OR51Q1: variants seen among roughly 807,000 people sequenced by gnomAD.
OR51Q1 encodes olfactory receptor family 51 subfamily Q member 1.
For synonymous variants in OR51Q1, 187 were observed against 151.7 expected (o/e 1.23, Z -1.71); for missense variants, 501 against 397.1 (o/e 1.26, Z -2.22).
At position 5,422,551 on chromosome 11, in the gene OR51Q1, C is replaced by T. The variant is rs1462888753; in HGVS notation, c.351C>T (p.Leu117=). Residue 117 remains leucine, a synonymous_variant, in exon 1 of 1, where the codon CTC becomes CTT. Coordinates refer to ENST00000300778, the MANE Select transcript of OR51Q1 (RefSeq NM_001004757.2). ...TCTCCTTTATGGAGTCTTCTGTCCT[C>T]CTGGCTATGTCCGTTGACTGCTATG... ...HGFSFMESSV[L]LAMSVDCYVA... The T allele has an allele frequency of 6.2e-7, 1 of 1,614,054 alleles. No individual in the cohort carries two copies. Among genetic ancestry groups the T allele is most frequent in the African/African-American group, 1.3e-5 (1 of 74,932 alleles).
rs78214713 is a variant in OR51Q1, at chr11:5,422,810, C to T, written c.610C>T (p.Leu204Phe). 0.011 allele frequency: 17,066 copies of T among 1,614,138 alleles called. 582 individuals carry two copies. The Admixed American group carries it at 0.11, about 10-fold the overall frequency. Residue 204 changes from leucine (L) to phenylalanine (F), a missense_variant, in exon 1 of 1, where the codon CTT becomes TTT. Leu to Phe is a conservative substitution (Grantham distance 22). Coordinates refer to ENST00000300778, the MANE Select transcript of OR51Q1 (RefSeq NM_001004757.2). Reference protein sequence around the residue: ...IRLNSWYGFALALLIIIVDPL... With the variant: ...IRLNSWYGFAFALLIIIVDPL... ...GCTCAACAGCTGGTATGGATTTGCT[C>T]TTGCCTTGCTCATTATTATCGTGGA...
Position 5,423,200 on chromosome 11 carries a change from A to G in OR51Q1, c.*46A>G, listed in dbSNP as rs1564808909. 3 of 1,490,920 alleles carry G rather than the reference A, an allele frequency of 2.0e-6. No individual in the cohort carries two copies. In the Middle Eastern group the frequency reaches 5.6e-4, roughly 278 times the overall value. The allele number at this position is 1,490,920 out of a possible 1,614,324, so 92.4% of individuals were successfully genotyped here. A position where few individuals can be genotyped will look rare whatever the true frequency, so the allele number is the denominator to read the frequency against. On this transcript the variant is annotated 3_prime_UTR_variant, in exon 1 of 1. Transcript: ENST00000300778. ...ACTGACAAGTATGAGTCATAGGCTT[A>G]AGGGGGGAATATATTCAGAATTAGG...
Position 5,422,736 on chromosome 11 carries a change from C to G in OR51Q1, c.536C>G (p.Ser179Cys), listed in dbSNP as rs772375558. The change falls in exon 1 of 1, where the codon TCC (serine) becomes TGC (cysteine). Residue 179 changes from serine to cysteine, a missense_variant. Coordinates refer to ENST00000300778, the MANE Select transcript of OR51Q1 (RefSeq NM_001004757.2). The stretch of plus-strand genomic sequence containing the variant: ...TGCCACTCCCACCTTCTCTCTCGCT[C>G]CTATTGCCTCCACCAGGATATGATC... ...PFCHSHLLSRSYCLHQDMIRL... is the reference protein window; with the variant it reads ...PFCHSHLLSRCYCLHQDMIRL... 1.9e-5 allele frequency: 31 copies of G among 1,613,932 alleles called. No individual in the cohort carries two copies. Among genetic ancestry groups the G allele is most frequent in the Non-Finnish European group, 1.4e-5 (16 of 1,179,966 alleles).
In OR51Q1 at chr11:5,422,699, C is replaced by T. The variant is rs200167706; in HGVS notation, c.499C>T (p.Arg167Ter). Reference sequence around the variant, plus strand: ...TCTTCCCTCCCTTTTCTTACTCAAGCGACTGCCTTTCTGCCACTCCCACCT... The same window carrying T: ...TCTTCCCTCCCTTTTCTTACTCAAGTGACTGCCTTTCTGCCACTCCCACCT... The part of the protein sequence containing the change: ...AVLPSLFLLK[R>*]LPFCHSHLLS... The change falls in exon 1 of 1, where the codon CGA (arginine) becomes TGA (stop). Residue 167 changes from arginine to a stop codon, truncating the protein, a stop_gained. Coordinates refer to ENST00000300778, the MANE Select transcript of OR51Q1 (RefSeq NM_001004757.2). LOFTEE classifies it low-confidence loss of function (END_TRUNC). 163 of 1,613,914 alleles carry T rather than the reference C, an allele frequency of 1.0e-4. No individual in the cohort carries two copies. The East Asian group carries it at 1.5e-3, about 15-fold the overall frequency.
At position 5,423,163 on chromosome 11, in the gene OR51Q1, A is replaced by G; in HGVS notation, c.*9A>G. On this transcript the variant is annotated 3_prime_UTR_variant, in exon 1 of 1. Transcript: ENST00000300778. ...ATATGCATTCAAGATGAGGGAATGC[A>G]TTTCTTAAATTACTGACAAGTATGA... The G allele has an allele frequency of 6.4e-7, 1 of 1,571,612 alleles. No individual in the cohort carries two copies. The highest frequency in any genetic ancestry group is 1.3e-5 in the African/African-American group (1 of 74,342).
Position 5,422,382 on chromosome 11 carries a change from T to C in OR51Q1, c.182T>C (p.Met61Thr), listed in dbSNP as rs752772366. 1.2e-6 allele frequency: 2 copies of C among 1,614,056 alleles called. No individual in the cohort carries two copies. Among genetic ancestry groups the C allele is most frequent in the East Asian group, 2.2e-5 (1 of 44,888 alleles). ...ACAGAGCCATCTGTCCACCAGCGCATGTATCTGTTTCTCTCCATGCTGGCC... is the reference window on the plus strand; with the variant it reads ...ACAGAGCCATCTGTCCACCAGCGCACGTATCTGTTTCTCTCCATGCTGGCC... ...IRTEPSVHQR[M>T]YLFLSMLALT... The change falls in exon 1 of 1, where the codon ATG becomes ACG. Residue 61 changes from methionine (M) to threonine (T), a missense_variant. Coordinates refer to ENST00000300778, the MANE Select transcript of OR51Q1 (RefSeq NM_001004757.2).
At position 5,422,157 on chromosome 11, in the gene OR51Q1, C is replaced by T. The variant is rs1850349364; in HGVS notation, c.-44C>T. On this transcript the variant is annotated 5_prime_UTR_variant, in exon 1 of 1. Coordinates refer to ENST00000300778, the MANE Select transcript of OR51Q1 (RefSeq NM_001004757.2). ...GATATTATTTCTAATGTTTCTTTTT[C>T]TCCCTGAGTGAAGATCCTGAATCTG... 2 of 1,376,482 alleles carry T rather than the reference C, an allele frequency of 1.5e-6. No individual in the cohort carries two copies. Among genetic ancestry groups the T allele is most frequent in the Non-Finnish European group, 2.0e-6 (2 of 997,724 alleles). 85.3% of individuals were successfully genotyped at this position (1,376,482 alleles called of 1,614,324 possible).
Position 5,423,028 on chromosome 11 carries a change from T to C in OR51Q1, c.828T>C (p.Val276=), listed in dbSNP as rs1196826245. ...AGCATGCCTCTCCACTGGTCCATGT[T>C]ATCATGGCCAATATCTACCTGCTGG... The part of the protein sequence containing the change: ...FAKHASPLVH[V]IMANIYLLAP... The change falls in exon 1 of 1, where the codon GTT becomes GTC. Residue 276 remains valine (V), a synonymous_variant. Transcript: ENST00000300778. 2 of 1,613,992 alleles carry C rather than the reference T, an allele frequency of 1.2e-6. No individual in the cohort carries two copies. Among genetic ancestry groups the C allele is most frequent in the Non-Finnish European group, 1.7e-6 (2 of 1,180,036 alleles).
chr11:5,423,029 A>C lies in OR51Q1; in HGVS notation c.829A>C (p.Ile277Leu). 1 of 1,614,060 alleles carries C rather than the reference A, an allele frequency of 6.2e-7. No individual in the cohort carries two copies. The highest frequency in any genetic ancestry group is 1.1e-5 in the South Asian group (1 of 91,072). ...GCATGCCTCTCCACTGGTCCATGTT[A>C]TCATGGCCAATATCTACCTGCTGGC... ...AKHASPLVHV[I>L]MANIYLLAPP... Residue 277 changes from isoleucine (I) to leucine (L), a missense_variant, in exon 1 of 1, where the codon ATC becomes CTC. By Grantham distance (5) the Ile-to-Leu change is conservative. Transcript: ENST00000300778.
Position 5,422,200 on chromosome 11 carries a change from C to T in OR51Q1, c.-1C>T. 1.2e-6 allele frequency: 2 copies of T among 1,601,078 alleles called. No homozygotes were observed. Among genetic ancestry groups the T allele is most frequent in the Non-Finnish European group, 8.5e-7 (1 of 1,172,838 alleles). On this transcript the variant is annotated 5_prime_UTR_variant, in exon 1 of 1. Coordinates refer to ENST00000300778, the MANE Select transcript of OR51Q1 (RefSeq NM_001004757.2). ...TGAATCTGAAGACACATTCATCAGTCATGTCCCAGGTGACTAACACCACAC... is the reference window on the plus strand; with the variant it reads ...TGAATCTGAAGACACATTCATCAGTTATGTCCCAGGTGACTAACACCACAC...
At position 5,422,978 on chromosome 11, in the gene OR51Q1, G is replaced by GT. The variant is rs768435170; in HGVS notation, c.779dup (p.Ser261IlefsTer64). 4.3e-6 allele frequency: 7 copies of GT among 1,614,116 alleles called. No homozygotes were observed. The highest frequency in any genetic ancestry group is 5.9e-6 in the Non-Finnish European group (7 of 1,180,008). Reference sequence around the variant, plus strand: ...GGTCCTCTACATTCCCATGGTTGGTGTATCTATGACTCATCGCTTTGCCAA... The same window carrying GT: ...GGTCCTCTACATTCCCATGGTTGGTGTTATCTATGACTCATCGCTTTGCCAA... On this transcript the variant is annotated frameshift_variant, in exon 1 of 1. Transcript: ENST00000300778. LOFTEE classifies it low-confidence loss of function (END_TRUNC).
In OR51Q1 at chr11:5,422,280, T is replaced by C; in HGVS notation, c.80T>C (p.Ile27Thr). 1 of 1,614,096 alleles carries C rather than the reference T, an allele frequency of 6.2e-7. No individual in the cohort carries two copies. Among genetic ancestry groups the C allele is most frequent in the Non-Finnish European group, 8.5e-7 (1 of 1,180,000 alleles). The part of the protein sequence containing the change: ...TDIPGFEASH[I>T]WISIPVCCLY... ...ATCCCTGGATTTGAGGCCTCCCACATCTGGATCTCCATCCCCGTCTGCTGT... is the reference window on the plus strand; with the variant it reads ...ATCCCTGGATTTGAGGCCTCCCACACCTGGATCTCCATCCCCGTCTGCTGT... The change falls in exon 1 of 1, where the codon ATC becomes ACC. Residue 27 changes from isoleucine to threonine, a missense_variant. Ile to Thr is a moderately conservative substitution (Grantham distance 89). Coordinates refer to ENST00000300778, the MANE Select transcript of OR51Q1 (RefSeq NM_001004757.2).
chr11:5,423,106 A>G lies in OR51Q1; in HGVS notation c.906A>G (p.Gln302=). 1 of 1,608,470 alleles carries G rather than the reference A, an allele frequency of 6.2e-7. No homozygotes were observed. The highest frequency in any genetic ancestry group is 8.5e-7 in the Non-Finnish European group (1 of 1,176,632). The stretch of plus-strand genomic sequence containing the variant: ...ACAGTGTAAAGAACAAGCAGATCCA[A>G]TGGGGAATGTTAAATTTCCTTTCCC... The part of the protein sequence containing the change: ...IIYSVKNKQI[Q]WGMLNFLSLK... The change falls in exon 1 of 1, where the codon CAA becomes CAG. Residue 302 remains glutamine (Q), a synonymous_variant. Coordinates refer to ENST00000300778, the MANE Select transcript of OR51Q1 (RefSeq NM_001004757.2).
Position 5,422,469 on chromosome 11 carries a change from A to G in OR51Q1, c.269A>G (p.Asn90Ser). The G allele has an allele frequency of 1.2e-6, 2 of 1,614,078 alleles. No individual in the cohort carries two copies. The highest frequency in any genetic ancestry group is 1.1e-5 in the South Asian group (1 of 91,066). ...ACAGTCATGCAGCTTCTCTGGTTCA[A>G]CGTTCGTAGAATCAGCTCTGAGGCC... ...LPTVMQLLWF[N>S]VRRISSEACF... Residue 90 changes from asparagine (N) to serine (S), a missense_variant, in exon 1 of 1, where the codon AAC (asparagine) becomes AGC (serine). Asn to Ser is a conservative substitution (Grantham distance 46). Transcript: ENST00000300778.
At position 5,422,225 on chromosome 11, in the gene OR51Q1, C is replaced by G; in HGVS notation, c.25C>G (p.Gln9Glu). 6.2e-7 allele frequency: 1 copy of G among 1,611,980 alleles called. No homozygotes were observed. ...CATGTCCCAGGTGACTAACACCACA[C>G]AAGAAGGCATCTACTTCATCCTCAC... Reference protein sequence around the residue: MSQVTNTTQEGIYFILTDI... With the variant: MSQVTNTTEEGIYFILTDI... The change falls in exon 1 of 1, where the codon CAA (glutamine) becomes GAA (glutamate). Residue 9 changes from glutamine to glutamate, a missense_variant. Gln to Glu is a conservative substitution (Grantham distance 29). Coordinates refer to ENST00000300778, the MANE Select transcript of OR51Q1 (RefSeq NM_001004757.2).
rs1850367081 is a variant in OR51Q1 at position 5,422,707 on chromosome 11, T to C, written c.507T>C (p.Pro169=). 2.5e-6 allele frequency: 4 copies of C among 1,613,938 alleles called. No individual in the cohort carries two copies. The highest frequency in any genetic ancestry group is 2.5e-6 in the Non-Finnish European group (3 of 1,179,968). ...CCCTTTTCTTACTCAAGCGACTGCCTTTCTGCCACTCCCACCTTCTCTCTC... is the reference window on the plus strand; with the variant it reads ...CCCTTTTCTTACTCAAGCGACTGCCCTTCTGCCACTCCCACCTTCTCTCTC... ...LPSLFLLKRL[P]FCHSHLLSRS... The change falls in exon 1 of 1, where the codon CCT becomes CCC. Residue 169 remains proline, a synonymous_variant. Coordinates refer to ENST00000300778, the MANE Select transcript of OR51Q1 (RefSeq NM_001004757.2).
rs916022249 is a variant in OR51Q1 at position 5,422,728 on chromosome 11, C to T, written c.528C>T (p.Leu176=). The change falls in exon 1 of 1, where the codon CTC becomes CTT. Residue 176 remains leucine (L), a synonymous_variant. Coordinates refer to ENST00000300778, the MANE Select transcript of OR51Q1 (RefSeq NM_001004757.2). ...TGCCTTTCTGCCACTCCCACCTTCT[C>T]TCTCGCTCCTATTGCCTCCACCAGG... ...KRLPFCHSHL[L]SRSYCLHQDM... is the part of the protein sequence containing the mutation. The T allele has an allele frequency of 1.9e-5, 30 of 1,613,956 alleles. No homozygotes were observed. Among genetic ancestry groups the T allele is most frequent in the Non-Finnish European group, 2.4e-5 (28 of 1,179,962 alleles).
In OR51Q1 at chr11:5,422,341, CCTCA is replaced by C. The variant is rs1564808273; in HGVS notation, c.144_147del (p.Thr49SerfsTer21). 6.2e-7 allele frequency: 1 copy of C among 1,614,174 alleles called. No individual in the cohort carries two copies. Among genetic ancestry groups the C allele is most frequent in the South Asian group, 1.1e-5 (1 of 91,074 alleles). Reference sequence around the variant, plus strand: ...TCTCCATCATGGGCAATACCACCATCCTCACTGTCATTCGCACAGAGCCATCTGT... The same window carrying C: ...TCTCCATCATGGGCAATACCACCATCCTGTCATTCGCACAGAGCCATCTGT... On this transcript the variant is annotated frameshift_variant, in exon 1 of 1. Transcript: ENST00000300778. LOFTEE classifies it low-confidence loss of function (END_TRUNC).
rs1850379847 is a variant in OR51Q1, at chr11:5,423,033, T to C, written c.833T>C (p.Met278Thr). Residue 278 changes from methionine (M) to threonine (T), a missense_variant, in exon 1 of 1, where the codon ATG (methionine) becomes ACG (threonine). Physicochemically the swap from Met to Thr is moderately conservative, Grantham distance 81. Transcript: ENST00000300778. Reference protein sequence around the residue: ...KHASPLVHVIMANIYLLAPPV... With the variant: ...KHASPLVHVITANIYLLAPPV... ...GCCTCTCCACTGGTCCATGTTATCA[T>C]GGCCAATATCTACCTGCTGGCACCC... 6.2e-7 allele frequency: 1 copy of C among 1,614,050 alleles called. No homozygotes were observed. Among genetic ancestry groups the C allele is most frequent in the South Asian group, 1.1e-5 (1 of 91,086 alleles).
Sources: gnomAD v4.1 joint callset for allele counts on GRCh38, gnomAD v4.1.1 for gene constraint, MANE v1.5 for transcripts, NCBI Gene and HGNC (gene_info 2026-07-23, HGNC 2026-07-21) for gene names.